The following RBFOX1 variants were observed in gnomAD, a reference collection of about 807,000 sequenced individuals.
The protein encoded by RBFOX1 is RNA binding fox-1 homolog 1, also known as RNA binding protein fox-1 homolog 1.
A neutral mutation model predicts 57.7 loss-of-function variants in RBFOX1; 8 were observed. That is an observed-to-expected ratio of 0.14 (90% CI 0.08 to 0.25). RBFOX1 has a LOEUF of 0.25. RBFOX1 is among the 10% of genes least tolerant of loss of function. The pLI, the probability that RBFOX1 is intolerant of heterozygous loss-of-function variation, is 1.00. For missense variants in RBFOX1, 611 were observed against 548.5 expected, an observed-to-expected ratio of 1.11 and a Z score of -1.14; for synonymous variants, 326 against 222.4, an observed-to-expected ratio of 1.47 and a Z score of -4.15.
chr16:5,373,025 G>T (rs771135486), intron 1 of RBFOX1, among the ~76,000 whole-genome samples: 14 of 152,194 alleles, frequency 9.2e-5, no homozygotes, highest in Non-Finnish European at 2.1e-4. Flanking sequence ...AGAATTTAAA[G>T]AAATAGCTTT....
rs35714485 is a variant in RBFOX1 at position 6,217,175 on chromosome 16, T to TTTA, written c.-126-99818_-126-99817insATT. Among the ~76,000 whole-genome samples the TTTA allele has an allele frequency of 3.0e-3, 7 of 2,334 alleles. No homozygotes were observed. In the Admixed American group the frequency reaches 0.032, roughly 11 times the overall value. 1.5% of individuals were successfully genotyped at this position (2,334 alleles called of 152,430 possible). On this transcript the variant is annotated intron_variant, in intron 1 of 15. Coordinates refer to ENST00000550418, the MANE Select transcript of RBFOX1 (RefSeq NM_018723.4). ...TCGTGTCTATTCATTTAGGGGATTCTTTTTTTTTTTTTTTTTTGTAGAATT... is the reference window on the plus strand; with the variant it reads ...TCGTGTCTATTCATTTAGGGGATTCTTTATTTTTTTTTTTTTTTTTGTAGAATT...
At chr16:5,480,827 A>G (rs1257917853) in intron 2 of RBFOX1, among the ~76,000 whole-genome samples, 1 of 152,158 alleles carries the variant, frequency 6.6e-6, no homozygotes, top group Non-Finnish European at 1.5e-5. Context: ...ATGTACCATG[A>G]CTTGTTTGAT....
intron 3 of RBFOX1, among the ~76,000 whole-genome samples, chr16:6,924,060 C>A (rs2075054341): frequency 6.6e-6 from 1 of 151,898 alleles, no homozygotes; most frequent in East Asian, 1.9e-4. Flanking sequence ...GTCCCAGCTT[C>A]TCGGGAGACT....
rs572081214 is a variant in RBFOX1, at chr16:7,569,278, C to T, written c.271-10499C>T. The stretch of plus-strand genomic sequence containing the variant: ...GAGATCAGAAGTGTAGCATGGGAAT[C>T]ACCAGGTTTACAAGGATTGTAGCTG... On this transcript the variant is annotated intron_variant, in intron 5 of 15. Transcript: ENST00000550418. Among the ~76,000 whole-genome samples, 10 of 152,280 alleles carry T rather than the reference C, an allele frequency of 6.6e-5. No homozygotes were observed. In the South Asian group the frequency reaches 1.9e-3, roughly 28 times the overall value.
chr16:6,709,712 T>A (rs1038059740), intron 3 of RBFOX1, among the ~76,000 whole-genome samples: 1 of 152,060 alleles, frequency 6.6e-6, no homozygotes, highest in African/African-American at 2.4e-5. Context: ...GTGTTGCGGG[T>A]TTCGGTGGAA....
intron 2 of RBFOX1, among the ~76,000 whole-genome samples, chr16:6,500,865 C>T (rs1437416083): frequency 1.9e-4 from 7 of 37,596 alleles, no homozygotes; most frequent in Admixed American, 3.3e-4. Flanking sequence ...TATCTCAGCC[C>T]TTGGGGAGTA....
At chr16:7,091,992 A>G (rs890444879) in intron 4 of RBFOX1, among the ~76,000 whole-genome samples, 4 of 152,192 alleles carry the variant, frequency 2.6e-5, no homozygotes, top group African/African-American at 7.2e-5. Context: ...ATTTCAAACA[A>G]TACACGTGCC....
At chr16:6,253,695 G>A (rs200652684) in intron 1 of RBFOX1, among the ~76,000 whole-genome samples, 17 of 96,204 alleles carry the variant, frequency 1.8e-4, no homozygotes, top group East Asian at 5.1e-4. Context: ...GTGTGTGTGT[G>A]TGTGTATATA....
At chr16:5,966,190 G>A (rs1008634364) in intron 4 of RBFOX1, among the ~76,000 whole-genome samples, 7 of 152,062 alleles carry the variant, frequency 4.6e-5, no homozygotes, top group Admixed American at 3.9e-4. Context: ...TAAAGCCACC[G>A]TGAGTGATGC....
intron 4 of RBFOX1, among the ~76,000 whole-genome samples, chr16:5,951,554 T>G (rs896940850): frequency 1.3e-5 from 2 of 151,848 alleles, no homozygotes; most frequent in African/African-American, 4.8e-5. Context: ...GTTGATGGAG[T>G]GTATTTTTGT....
Position 6,455,769 on chromosome 16 carries a change from T to A in RBFOX1, c.-64+138712T>A, listed in dbSNP as rs1042167331. On this transcript the variant is annotated intron_variant, in intron 2 of 15. Transcript: ENST00000550418. ...AATGACCGTATTTGCTTTTATTGTA[T>A]GATTACCTTTATTCAATCTCTAGTT... Among the ~76,000 whole-genome samples, 5 of 152,316 alleles carry A rather than the reference T, an allele frequency of 3.3e-5. No individual in the cohort carries two copies. The East Asian group carries it at 9.6e-4, about 29-fold the overall frequency.
At chr16:6,378,348 C>T (rs944337450) in intron 2 of RBFOX1, among the ~76,000 whole-genome samples, 3 of 152,338 alleles carry the variant, frequency 2.0e-5, no homozygotes, top group Admixed American at 2.0e-4. Flanking sequence ...CCAGACCCTG[C>T]GATCCTGGTG....
intron 3 of RBFOX1, among the ~76,000 whole-genome samples, chr16:5,851,169 C>T (rs1432640669): frequency 3.3e-5 from 5 of 152,192 alleles, no homozygotes; most frequent in African/African-American, 7.2e-5. Flanking sequence ...GACCCTATGA[C>T]GGTAGTAACT....
intron 4 of RBFOX1, among the ~76,000 whole-genome samples, chr16:7,306,994 T>C (rs2096204555): frequency 6.6e-6 from 1 of 152,204 alleles, no homozygotes; most frequent in Non-Finnish European, 1.5e-5. Flanking sequence ...TCAAAGTAAA[T>C]TGATCAAGTG....
At chr16:6,535,641 C>T (rs897044245) in intron 2 of RBFOX1, among the ~76,000 whole-genome samples, 1 of 152,164 alleles carries the variant, frequency 6.6e-6, no homozygotes. Flanking sequence ...ATCCATCAAC[C>T]GTTGCTCCAG....
chr16:6,829,915 T>C (rs961649223), intron 3 of RBFOX1, among the ~76,000 whole-genome samples: 10 of 151,436 alleles, frequency 6.6e-5, no homozygotes, highest in Non-Finnish European at 1.2e-4. Flanking sequence ...TATTTTTATT[T>C]TATTTTTTTT....
chr16:6,483,339 G>A, intron 2 of RBFOX1: 1 of 1,475,326 alleles, frequency 6.8e-7, no homozygotes, highest in Non-Finnish European at 9.0e-7. Flanking sequence ...CCTGCTGGCG[G>A]TCGTGCCAGG....
At chr16:7,567,715 T>TATGGCCCTATATAG (rs1301972224) in intron 5 of RBFOX1, among the ~76,000 whole-genome samples, 2 of 71,074 alleles carry the variant, frequency 2.8e-5, no homozygotes, top group Non-Finnish European at 5.6e-5. Flanking sequence ...AATCCCTATA[T>TATGGCCCTATATAG]ATATATATCC....
In RBFOX1 at chr16:7,046,660, C is replaced by T. The variant is rs192969127; in HGVS notation, c.-15-5397C>T. On this transcript the variant is annotated intron_variant, in intron 3 of 15. Transcript: ENST00000550418. ...GGAGTACAGAGTCTCAGTCTGTGTG[C>T]AATGGCATGATCTCGGCTCACTGCA... 6.0e-4 allele frequency among the ~76,000 whole-genome samples: 76 copies of T among 125,762 alleles called. 1 individual carries two copies. The highest frequency in any genetic ancestry group is 2.3e-3 in the African/African-American group (75 of 32,250). 82.5% of individuals were successfully genotyped at this position (125,762 alleles called of 152,430 possible).
Sources: gnomAD v4.1 joint callset for allele counts (sites outside exome capture counted in the v4.1 genomes callset) on GRCh38, gnomAD v4.1.1 for gene constraint, MANE v1.5 for transcripts, NCBI Gene and HGNC (gene_info 2026-07-23, HGNC 2026-07-21) for gene names.